The following LMO2 variants were observed in gnomAD, a reference collection of about 807,000 sequenced individuals.
LMO2 encodes the protein rhombotin-2.
A neutral mutation model predicts 23.2 loss-of-function variants in LMO2; 20 were observed. The ratio of observed to expected loss-of-function variants is 0.86; its 90% confidence interval spans 0.61 to 1.25. LMO2 has a LOEUF of 1.25. Among genes scored for constraint, LMO2 ranks in the 50% most tolerant of loss-of-function variants. The probability of loss-of-function intolerance (pLI) is 0.00; values close to 1 mark genes in which losing one functional copy is unlikely to be tolerated. For synonymous variants in LMO2, 123 were observed against 130.2 expected, an observed-to-expected ratio of 0.94 and a Z score of 0.38; for missense variants, 270 against 315.3, an observed-to-expected ratio of 0.86 and a Z score of 1.09.
chr11:33,862,303 G>A (rs1204270305), intron 5 of LMO2, among the ~76,000 whole-genome samples: 1 of 152,176 alleles, frequency 6.6e-6, no homozygotes, highest in African/African-American at 2.4e-5. Context: ...GGTCCGTTGG[G>A]GGTCTAGTTG....
At chr11:33,877,870 G>GC (rs1857173358) in intron 2 of LMO2, among the ~76,000 whole-genome samples, 1 of 77,042 alleles carries the variant, frequency 1.3e-5, no homozygotes, top group South Asian at 6.8e-4. Context: ...GTATCCTTTG[G>GC]CAAAAAAAAA....
At chr11:33,866,193 G>A (rs115848441) in intron 4 of LMO2, among the ~76,000 whole-genome samples, 1,751 of 152,320 alleles carry the variant, frequency 0.011, 39 homozygotes, top group African/African-American at 0.04. Flanking sequence ...AACTTCAGGT[G>A]ATCCCGTCAT....
At chr11:33,882,108 T>C (rs1167173132) in intron 1 of LMO2, among the ~76,000 whole-genome samples, 1 of 152,170 alleles carries the variant, frequency 6.6e-6, no homozygotes, top group Non-Finnish European at 1.5e-5. Context: ...AGGGATGGAT[T>C]CTAACGGTTT....
chr11:33,859,332 C>T lies in LMO2; in HGVS notation c.*24G>A. The T allele has an allele frequency of 6.3e-7, 1 of 1,583,362 alleles. No homozygotes were observed. Among genetic ancestry groups the T allele is most frequent in the Non-Finnish European group, 8.7e-7 (1 of 1,153,140 alleles). The stretch of plus-strand genomic sequence containing the variant: ...GACGGCGTCTTCAGTGAACACCTCC[C>T]CAAAGATGCCCGGGGACTCGGGCCT... On this transcript the variant is annotated 3_prime_UTR_variant, in exon 6 of 6. Coordinates refer to ENST00000257818, the MANE Select transcript of LMO2 (RefSeq NM_005574.4).
intron 2 of LMO2, chr11:33,871,004 G>T (rs767824471): frequency 4.4e-5 from 41 of 926,516 alleles, no homozygotes; most frequent in Non-Finnish European, 5.2e-5. Context: ...CTATTTGTGC[G>T]TGATGCCAGT....
rs911589354 is a variant in LMO2, at chr11:33,864,270, C to T, written c.464+332G>A. Reference sequence around the variant, plus strand: ...AACACTCCCAGTCCCTCTGATCCTCCGTGTGTACTCCTCCTCAATCCCATC... The same window carrying T: ...AACACTCCCAGTCCCTCTGATCCTCTGTGTGTACTCCTCCTCAATCCCATC... On this transcript the variant is annotated intron_variant, in intron 5 of 5. Coordinates refer to ENST00000257818, the MANE Select transcript of LMO2 (RefSeq NM_005574.4). The surrounding 1 kb of genome is among the most constrained non-coding windows in gnomAD (Gnocchi z 4.8). 5.9e-5 allele frequency among the ~76,000 whole-genome samples: 9 copies of T among 152,154 alleles called. No homozygotes were observed. Among genetic ancestry groups the T allele is most frequent in the East Asian group, 1.9e-4 (1 of 5,200 alleles).
intron 2 of LMO2, chr11:33,881,210 C>T (rs1857274460): frequency 4.4e-6 from 2 of 457,066 alleles, no homozygotes; most frequent in Admixed American, 2.3e-5. Context: ...GGCCTGCTGA[C>T]TCCTCTCACG....
chr11:33,876,295 G>T (rs980751680), intron 2 of LMO2, among the ~76,000 whole-genome samples: 2 of 152,064 alleles, frequency 1.3e-5, no homozygotes, highest in African/African-American at 2.4e-5. Flanking sequence ...TTTTGTTTTG[G>T]CCTTTCCTCC....
chr11:33,879,620 C>T (rs1245453086), intron 2 of LMO2, among the ~76,000 whole-genome samples: 4 of 152,020 alleles, frequency 2.6e-5, no homozygotes, highest in African/African-American at 4.8e-5. Context: ...GCCAAGATCA[C>T]GCTTCCAACC....
At position 33,869,820 on chromosome 11, in the gene LMO2, C is replaced by A; in HGVS notation, c.-104G>T. 3.7e-6 allele frequency: 4 copies of A among 1,087,320 alleles called. No individual in the cohort carries two copies. The highest frequency in any genetic ancestry group is 4.5e-6 in the Non-Finnish European group (4 of 897,056). The allele number at this position is 1,087,320 out of a possible 1,614,324, so 67.4% of individuals were successfully genotyped here. A position where few individuals can be genotyped will look rare whatever the true frequency, so the allele number is the denominator to read the frequency against. On this transcript the variant is annotated 5_prime_UTR_variant, in exon 3 of 6. Transcript: ENST00000257818. The stretch of plus-strand genomic sequence containing the variant: ...GCCCGCCCGGCCGCCCGGAGCCCCT[C>A]GCACCTTCGGCCCGGGTCGCGGCGC...
intron 2 of LMO2, among the ~76,000 whole-genome samples, chr11:33,872,824 G>A (rs1173403583): frequency 1.3e-5 from 2 of 152,100 alleles, no homozygotes; most frequent in African/African-American, 2.4e-5. Context: ...GCAATGGTGC[G>A]ATCTCAGCTC....
rs1856933705 is a variant in LMO2 at position 33,869,589 on chromosome 11, T to C, written c.8-3A>G. On this transcript the variant is annotated splice_polypyrimidine_tract_variant and splice_region_variant and intron_variant, in intron 3 of 5. Coordinates refer to ENST00000257818, the MANE Select transcript of LMO2 (RefSeq NM_005574.4). ...CTCAAGGACAGTCACCGCGCTCCCT[T>C]CAAACGCCAAAGAGAGAGAGCGAAT... The C allele has an allele frequency of 2.3e-6, 3 of 1,291,330 alleles. No homozygotes were observed. Among genetic ancestry groups the C allele is most frequent in the Non-Finnish European group, 3.0e-6 (3 of 1,008,492 alleles). The allele number at this position is 1,291,330 out of a possible 1,614,324, so 80.0% of individuals were successfully genotyped here.
At chr11:33,889,655 A>G (rs560576826) in intron 1 of LMO2, among the ~76,000 whole-genome samples, 4 of 152,220 alleles carry the variant, frequency 2.6e-5, no homozygotes, top group Non-Finnish European at 5.9e-5. Flanking sequence ...GGAACTTACA[A>G]CCTAGTGGCG....
intron 1 of LMO2, among the ~76,000 whole-genome samples, chr11:33,885,210 G>C (rs1286914788): frequency 6.6e-6 from 1 of 152,146 alleles, no homozygotes; most frequent in Non-Finnish European, 1.5e-5. Context: ...GGTGAAGCAG[G>C]TTCCCTCTGG....
At chr11:33,859,935 A>G (rs1376387107) in intron 5 of LMO2, among the ~76,000 whole-genome samples, 1 of 152,066 alleles carries the variant, frequency 6.6e-6, no homozygotes, top group East Asian at 1.9e-4. Flanking sequence ...TCCCAGGGGA[A>G]CCCTCATTTC....
At chr11:33,887,414 A>G (rs1004564777) in intron 1 of LMO2, among the ~76,000 whole-genome samples, 1 of 152,040 alleles carries the variant, frequency 6.6e-6, no homozygotes, top group African/African-American at 2.4e-5. Context: ...GGAGTGACAT[A>G]TTGCACCCAC....
intron 1 of LMO2, among the ~76,000 whole-genome samples, chr11:33,890,987 C>A (rs1857532985): frequency 6.6e-6 from 1 of 152,176 alleles, no homozygotes; most frequent in Non-Finnish European, 1.5e-5. Flanking sequence ...GGTTGGTTTT[C>A]TTTAAGCTGA....
chr11:33,866,595 G>A (rs1477482004), intron 4 of LMO2, among the ~76,000 whole-genome samples: 2 of 152,172 alleles, frequency 1.3e-5, no homozygotes, highest in African/African-American at 4.8e-5. Flanking sequence ...CTGCACTCTA[G>A]ACTAGACAAC....
chr11:33,863,632 A>T (rs548182572), intron 5 of LMO2, among the ~76,000 whole-genome samples: 1 of 152,194 alleles, frequency 6.6e-6, no homozygotes, highest in South Asian at 2.1e-4. Context: ...GCACAGAGAC[A>T]GTTACCTCCA....
Sources: gnomAD v4.1 joint callset for allele counts (sites outside exome capture counted in the v4.1 genomes callset) on GRCh38, gnomAD v4.1.1 for gene constraint, Gnocchi (gnomAD v3.1) non-coding constraint, MANE v1.5 for transcripts, NCBI Gene and HGNC (gene_info 2026-07-23, HGNC 2026-07-21) for gene names.